Variants in FAM47E observed in about 807,000 individuals in gnomAD.
The protein encoded by FAM47E is protein FAM47E.
Under a neutral mutation model 41.6 loss-of-function variants are expected in FAM47E, and 32 were observed. The observed-to-expected ratio is 0.77, with a 90% CI of 0.58 to 1.03. The LOEUF is 1.03. Ranked by LOEUF, FAM47E falls within the 50% of genes least tolerant of loss-of-function variation. FAM47E has a pLI of 0.00. For synonymous variants in FAM47E, 184 were observed against 188.7 expected (o/e 0.98, Z 0.20); for missense variants, 424 against 485.4 (o/e 0.87, Z 1.19).
intron 2 of FAM47E, among the ~76,000 whole-genome samples, chr4:76,245,402 CAT>C (rs1237020264): frequency 6.6e-6 from 1 of 152,100 alleles, no homozygotes; most frequent in Non-Finnish European, 1.5e-5. Flanking sequence ...GAGTTTGAGT[CAT>C]GTGACAAAAG....
At chr4:76,230,727 A>G (rs1441904) in intron 2 of FAM47E, among the ~76,000 whole-genome samples, 50,184 of 151,942 alleles carry the variant, frequency 0.33, 9,090 homozygotes, top group East Asian at 0.77. Context: ...TCACCACCAT[A>G]GGTGTTAAAA....
intron 2 of FAM47E, among the ~76,000 whole-genome samples, chr4:76,218,430 A>G (rs913724961): frequency 5.3e-5 from 8 of 152,202 alleles, no homozygotes; most frequent in African/African-American, 1.7e-4. Context: ...TATACCATTT[A>G]TATTATATCA....
intron 5 of FAM47E, among the ~76,000 whole-genome samples, chr4:76,276,407 C>CT (rs945038049): frequency 2.3e-4 from 26 of 114,286 alleles, no homozygotes; most frequent in African/African-American, 7.7e-4. Context: ...GCGTCTCACT[C>CT]TGTCGCCCAG....
chr4:76,217,219 C>T (rs1560725734), intron 1 of FAM47E, among the ~76,000 whole-genome samples: 1 of 152,206 alleles, frequency 6.6e-6, no homozygotes, highest in African/African-American at 2.4e-5. Flanking sequence ...CCTGAACACA[C>T]TCTGGAGGGG....
intron 7 of FAM47E, 155 bp from the exon 8 acceptor site, chr4:76,283,226 A>G (rs757395841): frequency 4.8e-5 from 25 of 515,510 alleles, no homozygotes; most frequent in Admixed American, 9.7e-5. Context: ...ACCAACATCT[A>G]TCATGGTCAG....
intron 2 of FAM47E, among the ~76,000 whole-genome samples, chr4:76,233,378 A>G (rs1733526425): frequency 6.6e-6 from 1 of 152,222 alleles, no homozygotes; most frequent in South Asian, 2.1e-4. Context: ...TCTGACCTGC[A>G]TTATGCAGCC....
At chr4:76,279,423 T>A (rs1432245748) in intron 6 of FAM47E, 1 of 152,228 alleles carries the variant, frequency 6.6e-6, no homozygotes, top group Non-Finnish European at 1.5e-5. Flanking sequence ...CATATTTCAT[T>A]TTGATGACAA....
Position 76,251,751 on chromosome 4 carries a change from C to T in FAM47E, c.5C>T (p.Ala2Val), listed in dbSNP as rs578009899. 16 of 1,482,988 alleles carry T rather than the reference C, an allele frequency of 1.1e-5. No homozygotes were observed. Among genetic ancestry groups the T allele is most frequent in the Admixed American group, 2.2e-5 (1 of 44,696 alleles). 91.9% of individuals were successfully genotyped at this position (1,482,988 alleles called of 1,614,324 possible). The change falls in exon 1 of 8, where the codon GCG becomes GTG. Residue 2 changes from alanine (A) to valine (V), a missense_variant. Transcript: ENST00000424749. MADRRRRLRPGT... is the reference protein window; with the variant it reads MVDRRRRLRPGT... ...GGCCGCGAAGCTAGGGCCACCATGG[C>T]GGACCGCAGGCGGCGGCTCCGGCCG... is the stretch of plus-strand genomic sequence containing the variant.
At chr4:76,249,613 A>G (rs1733908192), upstream of FAM47E, among the ~76,000 whole-genome samples, 1 of 151,558 alleles carries the variant, frequency 6.6e-6, no homozygotes. Context: ...CTCCAGTGGC[A>G]ATTTCTGAGA....
At chr4:76,237,589 A>G (rs375010608) in intron 2 of FAM47E, among the ~76,000 whole-genome samples, 2 of 152,166 alleles carry the variant, frequency 1.3e-5, no homozygotes, top group South Asian at 2.1e-4. Flanking sequence ...TCACGTTGCT[A>G]TAAAGAAATA....
chr4:76,277,430 G>A (rs1468538023), intron 5 of FAM47E, among the ~76,000 whole-genome samples: 1 of 151,622 alleles, frequency 6.6e-6, no homozygotes, highest in Non-Finnish European at 1.5e-5. Context: ...AGCTTGCAGT[G>A]AGCCGAGATC....
intron 2 of FAM47E, among the ~76,000 whole-genome samples, chr4:76,237,516 G>C (rs1733613524): frequency 6.6e-6 from 1 of 152,100 alleles, no homozygotes; most frequent in Non-Finnish European, 1.5e-5. Context: ...TAGTATCACA[G>C]AGCATAAAGT....
chr4:76,272,558 A>T (rs1287148766), intron 5 of FAM47E, among the ~76,000 whole-genome samples: 2 of 152,206 alleles, frequency 1.3e-5, no homozygotes, highest in Admixed American at 6.5e-5. Context: ...TTTGGCACAC[A>T]TTATGTTTCT....
At chr4:76,219,056 T>C (rs953894803) in intron 2 of FAM47E, among the ~76,000 whole-genome samples, 1 of 152,204 alleles carries the variant, frequency 6.6e-6, no homozygotes, top group African/African-American at 2.4e-5. Flanking sequence ...TCCAAGTCAG[T>C]CAGATGCTTT....
intron 2 of FAM47E, among the ~76,000 whole-genome samples, chr4:76,239,104 A>T (rs1038621020): frequency 6.6e-6 from 1 of 152,200 alleles, no homozygotes; most frequent in Admixed American, 6.5e-5. Context: ...ATGCCATTGT[A>T]TGTGTTTACC....
intron 3 of FAM47E, among the ~76,000 whole-genome samples, chr4:76,264,057 G>A (rs916259230): frequency 1.2e-4 from 19 of 152,286 alleles, no homozygotes; most frequent in Non-Finnish European, 2.2e-4. Context: ...AGACACAGGC[G>A]TCTATAAGGA....
upstream of FAM47E, among the ~76,000 whole-genome samples, chr4:76,249,181 T>C (rs1472810974): frequency 6.6e-6 from 1 of 151,792 alleles, no homozygotes; most frequent in East Asian, 1.9e-4. Context: ...TGAGCTGAGA[T>C]CACACCACTG....
At chr4:76,238,825 C>G (rs1467985945) in intron 2 of FAM47E, among the ~76,000 whole-genome samples, 2 of 152,100 alleles carry the variant, frequency 1.3e-5, no homozygotes, top group African/African-American at 4.8e-5. Context: ...GCATTAAGTA[C>G]AATCATATTG....
At chr4:76,258,939 G>C (rs1259647447) in intron 2 of FAM47E, among the ~76,000 whole-genome samples, 1 of 152,122 alleles carries the variant, frequency 6.6e-6, no homozygotes, top group Non-Finnish European at 1.5e-5. Flanking sequence ...TTAATTTTAG[G>C]TGTCAATTTG....
Sources: allele counts gnomAD v4.1 joint callset (sites outside exome capture counted in the v4.1 genomes callset), GRCh38; gene constraint gnomAD v4.1.1; transcripts MANE v1.5; gene names NCBI Gene and HGNC (gene_info 2026-07-23, HGNC 2026-07-21).